Variants in RAB1A observed in about 807,000 individuals in gnomAD.
The protein encoded by RAB1A is ras-related protein Rab-1A.
RAB1A carries 2 observed loss-of-function variants against 26.0 expected under a neutral mutation model. The observed-to-expected ratio is 0.08, with a 90% CI of 0.03 to 0.24. The LOEUF (loss-of-function observed/expected upper bound fraction) is 0.24. Ranked by LOEUF, RAB1A falls within the 10% of genes least tolerant of loss-of-function variation. RAB1A has a pLI of 1.00. For synonymous variants in RAB1A, 84 were observed against 84.9 expected (o/e 0.99, Z 0.06); for missense variants, 100 against 247.0 (o/e 0.40, Z 3.99).
At chr2:65,126,555 A>C (rs1026374318) in intron 1 of RAB1A, among the ~76,000 whole-genome samples, 2 of 152,228 alleles carry the variant, frequency 1.3e-5, no homozygotes, top group Non-Finnish European at 2.9e-5. Context: ...TCCCATTTTC[A>C]CTACCAAATT....
intron 1 of RAB1A, 97 bp from the exon 2 acceptor site, chr2:65,104,903 G>T: frequency 1.0e-6 from 1 of 1,001,316 alleles, no homozygotes; most frequent in Non-Finnish European, 1.6e-6. Context: ...ACAACTCACT[G>T]TGAAGACTAC....
intron 3 of RAB1A, among the ~76,000 whole-genome samples, chr2:65,091,797 T>G (rs1669178194): frequency 6.6e-6 from 1 of 152,204 alleles, no homozygotes; most frequent in East Asian, 1.9e-4. Context: ...AGTGCTGGCA[T>G]TACTGGCATG....
At chr2:65,098,495 G>C (rs780507456) in intron 2 of RAB1A, among the ~76,000 whole-genome samples, 12 of 151,742 alleles carry the variant, frequency 7.9e-5, no homozygotes, top group Admixed American at 1.3e-4. Context: ...ATTTCACTCC[G>C]CTTTTTCTTA....
At chr2:65,097,121 T>C (rs1669307146) in intron 3 of RAB1A, among the ~76,000 whole-genome samples, 1 of 152,048 alleles carries the variant, frequency 6.6e-6, no homozygotes. Flanking sequence ...TCCAATTCCA[T>C]GTGTCATCAG....
chr2:65,088,563 C>T lies in RAB1A; in HGVS notation c.548G>A (p.Gly183Asp), dbSNP rs1390774461. 1.9e-6 allele frequency: 3 copies of T among 1,613,762 alleles called. No individual in the cohort carries two copies. The highest frequency in any genetic ancestry group is 2.5e-6 in the Non-Finnish European group (3 of 1,179,810). The change falls in exon 6 of 6, where the codon GGT becomes GAT. Residue 183 changes from glycine to aspartate, a missense_variant. By Grantham distance (94) the Gly-to-Asp change is moderately conservative. Transcript: ENST00000409784. ...TTTAACATTGGACTTCTCAGCACCA[C>T]CAGCTGTTGCTCCGGGACCCATTCG... ...KKRMGPGATA[G>D]GAEKSNVKIQ...
chr2:65,115,225 A>G (rs1387850768), intron 1 of RAB1A, among the ~76,000 whole-genome samples: 1 of 152,252 alleles, frequency 6.6e-6, no homozygotes, highest in Admixed American at 6.5e-5. Context: ...ATCTTCTTCT[A>G]AATGTCTTAT....
At chr2:65,101,599 T>G (rs1374451777) in intron 2 of RAB1A, among the ~76,000 whole-genome samples, 2 of 151,708 alleles carry the variant, frequency 1.3e-5, no homozygotes, top group Non-Finnish European at 2.9e-5. Flanking sequence ...CTACCGAGAG[T>G]TGCTTAAGAA....
intron 1 of RAB1A, among the ~76,000 whole-genome samples, chr2:65,127,933 A>G (rs1309964878): frequency 6.6e-6 from 1 of 151,984 alleles, no homozygotes. Flanking sequence ...ACGGGGTTTC[A>G]CCGTGTTACC....
chr2:65,120,229 G>T (rs1054961885), intron 1 of RAB1A, among the ~76,000 whole-genome samples: 3 of 151,832 alleles, frequency 2.0e-5, no homozygotes, highest in Non-Finnish European at 2.9e-5. Context: ...AGGCCGAGGC[G>T]GGAGGATCAC....
intron 1 of RAB1A, among the ~76,000 whole-genome samples, chr2:65,109,514 AC>A (rs1038791122): frequency 4.6e-5 from 7 of 151,814 alleles, no homozygotes; most frequent in Admixed American, 3.9e-4. Context: ...GACCAGCCTG[AC>A]CAACATGGTG....
At chr2:65,122,278 G>A (rs898505654) in intron 1 of RAB1A, among the ~76,000 whole-genome samples, 3 of 151,570 alleles carry the variant, frequency 2.0e-5, no homozygotes, top group African/African-American at 7.3e-5. Context: ...GCCAAGCGTG[G>A]GGCTCATGCC....
intron 1 of RAB1A, among the ~76,000 whole-genome samples, chr2:65,112,560 C>T (rs1669723674): frequency 6.6e-6 from 1 of 152,276 alleles, no homozygotes; most frequent in Middle Eastern, 3.4e-3. Context: ...ACAAGTATTT[C>T]TATTAGTGAA....
chr2:65,120,285 G>A (rs941162212), intron 1 of RAB1A, among the ~76,000 whole-genome samples: 7 of 151,582 alleles, frequency 4.6e-5, no homozygotes, highest in Admixed American at 1.3e-4. Flanking sequence ...GTGAAACTCC[G>A]TCTTTACTAT....
At position 65,129,964 on chromosome 2, in the gene RAB1A, G is replaced by T; in HGVS notation, c.-49C>A. The T allele has an allele frequency of 6.4e-7, 1 of 1,564,582 alleles. No homozygotes were observed. Among genetic ancestry groups the T allele is most frequent in the Admixed American group, 1.9e-5 (1 of 52,638 alleles). ...CACCGCCGCCCTTGCTGCCGCAGCCGCCGCCCTGACTCTCCGCGCCACGGG... is the reference window on the plus strand; with the variant it reads ...CACCGCCGCCCTTGCTGCCGCAGCCTCCGCCCTGACTCTCCGCGCCACGGG... On this transcript the variant is annotated 5_prime_UTR_variant, in exon 1 of 6. Transcript: ENST00000409784.
At chr2:65,095,786 T>C (rs17029845) in intron 3 of RAB1A, among the ~76,000 whole-genome samples, 2 of 142,688 alleles carry the variant, frequency 1.4e-5, no homozygotes, top group African/African-American at 5.3e-5. Flanking sequence ...CCAAGACGGG[T>C]GGATCACTTG....
intron 1 of RAB1A, chr2:65,114,086 A>G (rs746284168): frequency 1.6e-5 from 7 of 427,418 alleles, no homozygotes; most frequent in South Asian, 1.3e-4. Flanking sequence ...GGTTGTAAAC[A>G]GACAGCAATG....
rs1346801183 is a variant in RAB1A, at chr2:65,088,217, A to C, written c.*276T>G. ...AAAATATATTCTAACCAACCACGGGAAACAGTCTGGTATCAGGAAAGCAAC... is the reference window on the plus strand; with the variant it reads ...AAAATATATTCTAACCAACCACGGGCAACAGTCTGGTATCAGGAAAGCAAC... On this transcript the variant is annotated 3_prime_UTR_variant, in exon 6 of 6. Coordinates refer to ENST00000409784, the MANE Select transcript of RAB1A (RefSeq NM_004161.5). The C allele has an allele frequency of 3.0e-6, 1 of 338,418 alleles. No homozygotes were observed. Among genetic ancestry groups the C allele is most frequent in the African/African-American group, 2.1e-5 (1 of 47,144 alleles). The allele number at this position is 338,418 out of a possible 1,614,324, so 21.0% of individuals were successfully genotyped here.
chr2:65,094,378 AG>A (rs1437143469), intron 3 of RAB1A, among the ~76,000 whole-genome samples: 3 of 152,150 alleles, frequency 2.0e-5, no homozygotes, highest in African/African-American at 7.2e-5. Flanking sequence ...TGAGGTCGGG[AG>A]TTCGAGACCA....
chr2:65,117,646 A>G (rs565553048), intron 1 of RAB1A, among the ~76,000 whole-genome samples: 136 of 152,118 alleles, frequency 8.9e-4, no homozygotes, highest in Non-Finnish European at 1.6e-3. Flanking sequence ...GGCTCACTGC[A>G]ACCTCCACCT....
Sources: gnomAD v4.1 joint callset for allele counts (sites outside exome capture counted in the v4.1 genomes callset) on GRCh38, gnomAD v4.1.1 for gene constraint, MANE v1.5 for transcripts, NCBI Gene and HGNC (gene_info 2026-07-23, HGNC 2026-07-21) for gene names.